Variants in INTS10 observed in about 807,000 individuals in gnomAD.
The protein encoded by INTS10 is chromosome 8 open reading frame 35.
INTS10 carries 44 observed loss-of-function variants against 94.4 expected under a neutral mutation model. The ratio of observed to expected loss-of-function variants is 0.47; its 90% confidence interval spans 0.37 to 0.60. INTS10 has a LOEUF of 0.60. INTS10 is among the 20% of genes least tolerant of loss of function. The probability of loss-of-function intolerance (pLI) is 0.00; values close to 1 mark genes in which losing one functional copy is unlikely to be tolerated. For synonymous variants in INTS10, 341 were observed against 320.7 expected (o/e 1.06, Z -0.68); for missense variants, 797 against 868.7 (o/e 0.92, Z 1.04).
At chr8:19,820,110 A>G (rs765163989) in intron 3 of INTS10, among the ~76,000 whole-genome samples, 2 of 152,196 alleles carry the variant, frequency 1.3e-5, no homozygotes, top group African/African-American at 4.8e-5. Context: ...CTCTATCTCA[A>G]CCTGCAACAG....
At chr8:19,831,930 G>C in intron 10 of INTS10, 98 bp from the exon 11 acceptor site, 1 of 737,166 alleles carries the variant, frequency 1.4e-6, no homozygotes, top group South Asian at 1.5e-5. Context: ...ATACATTTTT[G>C]GTAGGTTGTC....
chr8:19,848,246 G>A (rs998446361), intron 16 of INTS10, among the ~76,000 whole-genome samples: 5 of 152,132 alleles, frequency 3.3e-5, no homozygotes, highest in Admixed American at 6.5e-5. Flanking sequence ...TGGCAGAGAT[G>A]TTGTGAGCAG....
intron 6 of INTS10, 87 bp downstream of exon 6, chr8:19,823,528 C>T: frequency 1.1e-6 from 1 of 906,154 alleles, no homozygotes; most frequent in East Asian, 2.5e-5. Flanking sequence ...TGATTATTCT[C>T]CTCTGGATAC....
chr8:19,824,775 A>G, intron 7 of INTS10, 28 bp from the exon 8 acceptor site: 2 of 1,559,568 alleles, frequency 1.3e-6, no homozygotes, highest in Non-Finnish European at 8.8e-7. Flanking sequence ...GAGTAATCAA[A>G]TAAGTTTCAT....
In INTS10 at chr8:19,824,059, A is replaced by T; in HGVS notation, c.836+15A>T. 6.4e-7 allele frequency: 1 copy of T among 1,562,764 alleles called. No homozygotes were observed. Among genetic ancestry groups the T allele is most frequent in the Non-Finnish European group, 8.7e-7 (1 of 1,152,350 alleles). ...AAAGGAAGACGGTAATAAATAGCTT[A>T]TTTCCAGAATTGCCTATTGATTCTT... On this transcript the variant is annotated intron_variant, in intron 7 of 16. Transcript: ENST00000397977.
intron 2 of INTS10, 174 bp downstream of exon 2, chr8:19,818,516 G>T (rs977246417): frequency 5.0e-6 from 3 of 601,550 alleles, no homozygotes; most frequent in Non-Finnish European, 8.9e-6. Context: ...CATGGCTTTT[G>T]CAGAAGAGTT....
Position 19,826,469 on chromosome 8 carries a change from T to G in INTS10, c.1050T>G (p.Asp350Glu). Residue 350 changes from aspartate to glutamate, a missense_variant, in exon 9 of 17, where the codon GAT (aspartate) becomes GAG (glutamate). By Grantham distance (45) the Asp-to-Glu change is conservative. Coordinates refer to ENST00000397977, the MANE Select transcript of INTS10 (RefSeq NM_018142.4). ...PSQVPLVLLEDVSNVYGDVEI... is the reference protein window; with the variant it reads ...PSQVPLVLLEEVSNVYGDVEI... The stretch of plus-strand genomic sequence containing the variant: ...AAGTTCCACTGGTTCTTCTTGAAGA[T>G]GTATCGAATGTGTATGGTGATGTAG... 6.2e-7 allele frequency: 1 copy of G among 1,612,892 alleles called. No homozygotes were observed. The highest frequency in any genetic ancestry group is 8.5e-7 in the Non-Finnish European group (1 of 1,179,678).
intron 9 of INTS10, among the ~76,000 whole-genome samples, chr8:19,828,721 G>GT (rs2066995608): frequency 1.8e-4 from 26 of 145,066 alleles, no homozygotes; most frequent in African/African-American, 2.2e-4. Flanking sequence ...ATACGGTTGT[G>GT]GTTTTTTTTT....
rs956358202 is a variant in INTS10 at position 19,846,869 on chromosome 8, A to G, written c.1976+1072A>G. ...TTCCTCCTTTGCTTCCTGCACATTC[A>G]GTGTGTCTGTAAGTCAGTGTTAGAG... is the stretch of plus-strand genomic sequence containing the variant. On this transcript the variant is annotated intron_variant, in intron 16 of 16. Coordinates refer to ENST00000397977, the MANE Select transcript of INTS10 (RefSeq NM_018142.4). The surrounding 1 kb of genome is among the most constrained non-coding windows in gnomAD (Gnocchi z 4.2). Among the ~76,000 whole-genome samples the G allele has an allele frequency of 1.3e-5, 2 of 152,192 alleles. No homozygotes were observed. Among genetic ancestry groups the G allele is most frequent in the East Asian group, 3.8e-4 (2 of 5,200 alleles).
intron 13 of INTS10, among the ~76,000 whole-genome samples, chr8:19,838,260 G>T (rs552848912): frequency 6.6e-6 from 1 of 152,262 alleles, no homozygotes; most frequent in East Asian, 1.9e-4. Context: ...GGAGGCTGAG[G>T]TGGGAGAAGC....
intron 15 of INTS10, among the ~76,000 whole-genome samples, chr8:19,844,636 C>T (rs113997185): frequency 0.013 from 1,931 of 152,258 alleles, 44 homozygotes; most frequent in African/African-American, 0.044. Context: ...CTGTGCCCTG[C>T]AATCACTTGT....
At chr8:19,848,455 T>C (rs2068755086) in intron 16 of INTS10, among the ~76,000 whole-genome samples, 4 of 152,224 alleles carry the variant, frequency 2.6e-5, no homozygotes, top group Admixed American at 2.6e-4. Context: ...ATGCAGTATC[T>C]TAGTTGTATT....
intron 5 of INTS10, 61 bp from the exon 6 acceptor site, chr8:19,823,240 T>G (rs2066526157): frequency 7.6e-7 from 1 of 1,314,242 alleles, no homozygotes; most frequent in African/African-American, 1.5e-5. Context: ...GCTTTTGTAT[T>G]TATCGGAACT....
chr8:19,851,826 C>T lies in INTS10; in HGVS notation c.*21C>T. On this transcript the variant is annotated 3_prime_UTR_variant, in exon 17 of 17. Coordinates refer to ENST00000397977, the MANE Select transcript of INTS10 (RefSeq NM_018142.4). The surrounding 1 kb of genome is among the most constrained non-coding windows in gnomAD (Gnocchi z 5.0). ...CCTGAGTGGAGACCTTTCCACCAGACACAGCTCGGGCCTGTGTAATTGTAG... is the reference window on the plus strand; with the variant it reads ...CCTGAGTGGAGACCTTTCCACCAGATACAGCTCGGGCCTGTGTAATTGTAG... 6.2e-7 allele frequency: 1 copy of T among 1,610,366 alleles called. No individual in the cohort carries two copies. Among genetic ancestry groups the T allele is most frequent in the South Asian group, 1.1e-5 (1 of 90,934 alleles).
chr8:19,824,763 C>A, intron 7 of INTS10, 40 bp from the exon 8 acceptor site: 2 of 1,475,944 alleles, frequency 1.4e-6, no homozygotes, highest in East Asian at 2.3e-5. Flanking sequence ...CTGACCAGCC[C>A]AGAGTAATCA....
Position 19,817,512 on chromosome 8 carries a change from G to A in INTS10, c.-26G>A, listed in dbSNP as rs1206843579. 1.3e-6 allele frequency: 2 copies of A among 1,598,844 alleles called. No homozygotes were observed. On this transcript the variant is annotated 5_prime_UTR_variant, in exon 1 of 17. Transcript: ENST00000397977. ...GAGCCGGACGTTCCGGCCGCTTCGG[G>A]CTGGCGGCTGGAGAGCGCTCGGGTC...
Position 19,833,265 on chromosome 8 carries a change from C to T in INTS10, c.1474C>T (p.His492Tyr), listed in dbSNP as rs777253665. 5.0e-5 allele frequency: 81 copies of T among 1,613,098 alleles called. 1 individual carries two copies. Among genetic ancestry groups the T allele is most frequent in the Non-Finnish European group, 6.8e-5 (80 of 1,179,576 alleles). Residue 492 changes from histidine (H) to tyrosine (Y), a missense_variant, in exon 12 of 17, where the codon CAT (histidine) becomes TAT (tyrosine). Physicochemically the swap from His to Tyr is moderately conservative, Grantham distance 83. Transcript: ENST00000397977. ...GATCACAGGGCAGGGGACCCTGGAG[C>T]ATCAGAGGGCGCTCATCCAGCTGGC... is the stretch of plus-strand genomic sequence containing the variant. ...PQITGQGTLE[H>Y]QRALIQLATC...
chr8:19,842,693 A>T (rs2128803740), intron 13 of INTS10, among the ~76,000 whole-genome samples, 155 bp from the exon 14 acceptor site: 1 of 152,354 alleles, frequency 6.6e-6, no homozygotes, highest in East Asian at 1.9e-4. Context: ...CACCATCACA[A>T]AGTATAATTG....
chr8:19,823,590 A>G, intron 6 of INTS10, 149 bp downstream of exon 6: 1 of 661,204 alleles, frequency 1.5e-6, no homozygotes, highest in Non-Finnish European at 2.5e-6. Flanking sequence ...AAAATACTAA[A>G]AGATGAGGCT....
Sources: allele counts gnomAD v4.1 joint callset (sites outside exome capture counted in the v4.1 genomes callset), GRCh38; gene constraint gnomAD v4.1.1; non-coding constraint Gnocchi (gnomAD v3.1); transcripts MANE v1.5; gene names NCBI Gene and HGNC (gene_info 2026-07-23, HGNC 2026-07-21).